TIFAB: variants seen among roughly 807,000 people sequenced by gnomAD.
The protein encoded by TIFAB is TIFA inhibitor, also known as TRAF-interacting protein with FHA domain-containing protein B.
For missense variants in TIFAB, 222 were observed against 203.6 expected, an observed-to-expected ratio of 1.09 and a Z score of -0.55; for synonymous variants, 116 against 95.2, an observed-to-expected ratio of 1.22 and a Z score of -1.27.
chr5:135,451,508 G>T (rs1769362347), intron 1 of TIFAB, among the ~76,000 whole-genome samples: 1 of 149,736 alleles, frequency 6.7e-6, no homozygotes, highest in Non-Finnish European at 1.5e-5. Context: ...TTCTGAGATG[G>T]AGTCTCACAC....
chr5:135,444,634 C>T lies in TIFAB; in HGVS notation c.*4820G>A, dbSNP rs1769222742. ...AGGTCGCAATGCGCTGTCCCCACCA[C>T]ATGGAGCTTGCTTGCCTCCGCACCT... On this transcript the variant is annotated 3_prime_UTR_variant, in exon 2 of 2. Transcript: ENST00000537858. 1 of 152,272 alleles carries T rather than the reference C, an allele frequency of 6.6e-6. No individual in the cohort carries two copies. The highest frequency in any genetic ancestry group is 2.4e-5 in the African/African-American group (1 of 41,454). The allele number at this position is 152,272 out of a possible 1,614,324, so 9.4% of individuals were successfully genotyped here. A position where few individuals can be genotyped will look rare whatever the true frequency, so the allele number is the denominator to read the frequency against.
chr5:135,451,282 G>C (rs1769358722), intron 1 of TIFAB, among the ~76,000 whole-genome samples: 1 of 152,154 alleles, frequency 6.6e-6, no homozygotes, highest in South Asian at 2.1e-4. Context: ...TGAACTCAAT[G>C]TCCCTCCAGG....
rs1232043857 is a variant in TIFAB at position 135,446,444 on chromosome 5, AC to A, written c.*3009del. The A allele has an allele frequency of 6.2e-7, 1 of 1,612,724 alleles. No homozygotes were observed. The highest frequency in any genetic ancestry group is 1.3e-5 in the African/African-American group (1 of 74,884). ...CAGTGGAGGTTGTTGGGAGGAACTCACCCGCCTGCTCTGGCTGTCTGAGCAG... is the reference window on the plus strand; with the variant it reads ...CAGTGGAGGTTGTTGGGAGGAACTCACCGCCTGCTCTGGCTGTCTGAGCAG... On this transcript the variant is annotated 3_prime_UTR_variant, in exon 2 of 2. Coordinates refer to ENST00000537858, the MANE Select transcript of TIFAB (RefSeq NM_001099221.2).
In TIFAB at chr5:135,449,694, G is replaced by C; in HGVS notation, c.246C>G (p.Gly82=). 6.2e-7 allele frequency: 1 copy of C among 1,614,120 alleles called. No homozygotes were observed. The highest frequency in any genetic ancestry group is 1.3e-5 in the African/African-American group (1 of 75,058). The change falls in exon 2 of 2, where the codon GGC becomes GGG. Residue 82 remains glycine, a synonymous_variant. Coordinates refer to ENST00000537858, the MANE Select transcript of TIFAB (RefSeq NM_001099221.2). ...AFCLKALSRK[G]CVWVNGLTLR... is the part of the protein sequence containing the mutation. ...GCGTCAGCCCATTGACCCACACACA[G>C]CCCTTGCGGCTCAGGGCCTTGAGGC... is the stretch of plus-strand genomic sequence containing the variant.
Position 135,449,736 on chromosome 5 carries a change from A to G in TIFAB, c.204T>C (p.Ser68=). The G allele has an allele frequency of 6.2e-7, 1 of 1,614,002 alleles. No individual in the cohort carries two copies. The highest frequency in any genetic ancestry group is 8.5e-7 in the Non-Finnish European group (1 of 1,179,956). ...LSLEPYLEKG[S]ALLAFCLKAL... Reference sequence around the variant, plus strand: ...CCTTGAGGCAGAAGGCCAGCAGGGCACTGCCTTTCTCCAGGTAGGGCTCCA... The same window carrying G: ...CCTTGAGGCAGAAGGCCAGCAGGGCGCTGCCTTTCTCCAGGTAGGGCTCCA... Residue 68 remains serine (S), a synonymous_variant, in exon 2 of 2, where the codon AGT becomes AGC. Transcript: ENST00000537858.
At chr5:135,450,876 A>G (rs1466362431) in intron 1 of TIFAB, among the ~76,000 whole-genome samples, 9 of 152,330 alleles carry the variant, frequency 5.9e-5, no homozygotes, top group African/African-American at 2.2e-4. Flanking sequence ...CTCTCCTGTG[A>G]AGCTCCCTTC....
intron 1 of TIFAB, among the ~76,000 whole-genome samples, chr5:135,451,175 A>G (rs1769356918): frequency 6.6e-6 from 1 of 151,870 alleles, no homozygotes; most frequent in African/African-American, 2.4e-5. Flanking sequence ...TGGCTAAATG[A>G]GAAGCCCACA....
chr5:135,450,936 A>C (rs1443809304), intron 1 of TIFAB, among the ~76,000 whole-genome samples: 1 of 152,214 alleles, frequency 6.6e-6, no homozygotes. Flanking sequence ...AACAGGGGGA[A>C]TCCCCCAGGA....
rs749183149 is a variant in TIFAB at position 135,446,934 on chromosome 5, G to A, written c.*2520C>T. On this transcript the variant is annotated 3_prime_UTR_variant, in exon 2 of 2. Transcript: ENST00000537858. ...AGACCCTCACTGAGGCCCTGGAGAG[G>A]GGCACTCAGGGGCAGCAGCTCATTC... 6.2e-7 allele frequency: 1 copy of A among 1,612,638 alleles called. No individual in the cohort carries two copies. The highest frequency in any genetic ancestry group is 1.3e-5 in the African/African-American group (1 of 74,900).
chr5:135,450,070 C>A, intron 1 of TIFAB, 121 bp from the exon 2 acceptor site: 1 of 1,345,062 alleles, frequency 7.4e-7, no homozygotes, highest in South Asian at 1.6e-5. Context: ...ATCACTCTGC[C>A]CAAGCCAGGA....
chr5:135,445,219 A>G lies in TIFAB; in HGVS notation c.*4235T>C, dbSNP rs17168353. Reference sequence around the variant, plus strand: ...GACATGCACCCTGTCAAATCCATAAACCTTCCTCAGCAGTCACCACACAGA... The same window carrying G: ...GACATGCACCCTGTCAAATCCATAAGCCTTCCTCAGCAGTCACCACACAGA... On this transcript the variant is annotated 3_prime_UTR_variant, in exon 2 of 2. Transcript: ENST00000537858. 42,327 of 151,818 alleles carry G rather than the reference A, an allele frequency of 0.28. 6,234 individuals are homozygous for G. Among genetic ancestry groups the G allele is most frequent in the African/African-American group, 0.36 (14,791 of 41,374 alleles). 9.4% of individuals were successfully genotyped at this position (151,818 alleles called of 1,614,324 possible).
intron 1 of TIFAB, among the ~76,000 whole-genome samples, chr5:135,451,407 C>A (rs933411548): frequency 2.8e-4 from 43 of 152,156 alleles, no homozygotes; most frequent in African/African-American, 1.0e-3. Flanking sequence ...CACCCCCTTT[C>A]CCCTAAGGCA....
Position 135,449,896 on chromosome 5 carries a change from G to T in TIFAB, c.44C>A (p.Pro15His). 1 of 1,561,836 alleles carries T rather than the reference G, an allele frequency of 6.4e-7. No individual in the cohort carries two copies. The highest frequency in any genetic ancestry group is 8.7e-7 in the Non-Finnish European group (1 of 1,151,916). Residue 15 changes from proline to histidine, a missense_variant, in exon 2 of 2, where the codon CCC (proline) becomes CAC (histidine). By Grantham distance (77) the Pro-to-His change is moderately conservative (BLOSUM62 -2). Transcript: ENST00000537858. ...LTVLRVSLYH[P>H]TLGPSAFANV... is the part of the protein sequence containing the mutation. ...GGCAAAGGCAGATGGGCCCAGCGTG[G>T]GATGGTACAGGCTCACTCGCAGGAC...
rs375528555 is a variant in TIFAB, at chr5:135,449,932, T to G, written c.8A>C (p.Lys3Thr). 2.8e-5 allele frequency: 43 copies of G among 1,518,762 alleles called. No individual in the cohort carries two copies. Among genetic ancestry groups the G allele is most frequent in the Non-Finnish European group, 3.8e-5 (43 of 1,133,146 alleles). 94.1% of individuals were successfully genotyped at this position (1,518,762 alleles called of 1,614,324 possible). Residue 3 changes from lysine (K) to threonine (T), a missense_variant, in exon 2 of 2, where the codon AAG becomes ACG. Transcript: ENST00000537858. MEKPLTVLRVSLY... is the reference protein window; with the variant it reads METPLTVLRVSLY... ...GCTCACTCGCAGGACGGTGAGGGGC[T>G]TCTCCATGGAAGAAGTCCTGGGAAG...
intron 1 of TIFAB, among the ~76,000 whole-genome samples, chr5:135,451,057 C>G (rs1769355415): frequency 6.6e-6 from 1 of 152,230 alleles, no homozygotes; most frequent in South Asian, 2.1e-4. Flanking sequence ...CCTGAGGCCT[C>G]CCAAGGGCTG....
rs1031844 is a variant in TIFAB at position 135,446,886 on chromosome 5, T to G, written c.*2568A>C. On this transcript the variant is annotated 3_prime_UTR_variant, in exon 2 of 2. Transcript: ENST00000537858. ...TCTCGCAGGACCCCAGCTGGCAAGG[T>G]TTTGTTCCTCCCTGGAGGGTAGAGA... 0.49 allele frequency: 793,863 copies of G among 1,613,312 alleles called. 202,729 individuals carry two copies. The highest frequency in any genetic ancestry group is 0.88 in the African/African-American group (65,688 of 74,984).
rs1049930834 is a variant in TIFAB at position 135,445,198 on chromosome 5, T to G, written c.*4256A>C. On this transcript the variant is annotated 3_prime_UTR_variant, in exon 2 of 2. Transcript: ENST00000537858. ...GACTGAGAACTGTCTCTCTGTGACATGCACCCTGTCAAATCCATAAACCTT... is the reference window on the plus strand; with the variant it reads ...GACTGAGAACTGTCTCTCTGTGACAGGCACCCTGTCAAATCCATAAACCTT... The G allele has an allele frequency of 6.6e-6, 1 of 152,182 alleles. No homozygotes were observed. Among genetic ancestry groups the G allele is most frequent in the African/African-American group, 2.4e-5 (1 of 41,422 alleles). The allele number at this position is 152,182 out of a possible 1,614,324, so 9.4% of individuals were successfully genotyped here.
chr5:135,449,746 T>C lies in TIFAB; in HGVS notation c.194A>G (p.Glu65Gly), dbSNP rs367579513. 3.3e-4 allele frequency: 528 copies of C among 1,613,746 alleles called. No individual in the cohort carries two copies. The highest frequency in any genetic ancestry group is 4.3e-4 in the Non-Finnish European group (513 of 1,179,844). ...GAAGGCCAGCAGGGCACTGCCTTTC[T>C]CCAGGTAGGGCTCCAGGGACAGGTG... ...RRHLSLEPYLEKGSALLAFCL... is the reference protein window; with the variant it reads ...RRHLSLEPYLGKGSALLAFCL... The change falls in exon 2 of 2, where the codon GAG (glutamate) becomes GGG (glycine). Residue 65 changes from glutamate to glycine, a missense_variant. Physicochemically the swap from Glu to Gly is moderately conservative, Grantham distance 98 (BLOSUM62 -2). Transcript: ENST00000537858.
chr5:135,451,763 C>T (rs1031895793), intron 1 of TIFAB, among the ~76,000 whole-genome samples: 46 of 152,316 alleles, frequency 3.0e-4, no homozygotes, highest in Admixed American at 2.0e-3. Flanking sequence ...GGATTACAGG[C>T]GTAAGCCACC....
Sources: allele counts gnomAD v4.1 joint callset (sites outside exome capture counted in the v4.1 genomes callset), GRCh38; gene constraint gnomAD v4.1.1; transcripts MANE v1.5; gene names NCBI Gene and HGNC (gene_info 2026-07-23, HGNC 2026-07-21).